The following LZTFL1 variants were observed in gnomAD, a reference collection of about 807,000 sequenced individuals.
LZTFL1 encodes the protein leucine zipper transcription factor-like protein 1.
Under a neutral mutation model 45.9 loss-of-function variants are expected in LZTFL1, and 25 were observed. The observed-to-expected ratio is 0.54, with a 90% CI of 0.40 to 0.76. LZTFL1 has a LOEUF of 0.76. Among genes scored for constraint, LZTFL1 ranks in the 30% least tolerant of loss-of-function variants. LZTFL1 has a pLI of 0.00. For synonymous variants in LZTFL1, 93 were observed against 117.4 expected (o/e 0.79, Z 1.35); for missense variants, 277 against 331.1 (o/e 0.84, Z 1.27).
chr3:45,859,184 T>C (rs2125707676), intron 2 of LZTFL1, among the ~76,000 whole-genome samples: 1 of 152,360 alleles, frequency 6.6e-6, no homozygotes, highest in South Asian at 2.1e-4. Flanking sequence ...TATGCAGAGA[T>C]AATTTTCATG....
intron 2 of LZTFL1, among the ~76,000 whole-genome samples, chr3:45,898,237 A>G (rs1255508380): frequency 6.6e-6 from 1 of 152,034 alleles, no homozygotes; most frequent in East Asian, 1.9e-4. Flanking sequence ...AGTCCACTCA[A>G]ACCTCACCTC....
At chr3:45,837,445 C>T (rs1700995391) in intron 2 of LZTFL1, among the ~76,000 whole-genome samples, 1 of 152,142 alleles carries the variant, frequency 6.6e-6, no homozygotes, top group Admixed American at 6.5e-5. Flanking sequence ...TACGGTCCAA[C>T]CATTATCATC....
At chr3:45,878,124 A>G (rs1234828548) in intron 2 of LZTFL1, among the ~76,000 whole-genome samples, 3 of 152,218 alleles carry the variant, frequency 2.0e-5, no homozygotes, top group African/African-American at 7.2e-5. Context: ...TGGAAAGATT[A>G]AATTAAGCTA....
At position 45,901,550 on chromosome 3, in the gene LZTFL1, A is replaced by T. The variant is rs200638038; in HGVS notation, c.-215+11570T>A. On this transcript the variant is annotated intron_variant, in intron 2 of 4. Coordinates refer to the LZTFL1 transcript ENST00000472635. The surrounding 1 kb of genome is among the most constrained non-coding windows in gnomAD (Gnocchi z 4.3). The stretch of plus-strand genomic sequence containing the variant: ...AGTCTTCCAAGCACAAAGCCCTAAA[A>T]GTGACCATCACTGTCCTGACCGTCT... The T allele has an allele frequency of 2.5e-6, 4 of 1,614,074 alleles. No individual in the cohort carries two copies. The highest frequency in any genetic ancestry group is 3.4e-6 in the Non-Finnish European group (4 of 1,180,042).
intron 4 of LZTFL1, among the ~76,000 whole-genome samples, chr3:45,851,546 T>C (rs766479780): frequency 1.3e-5 from 2 of 152,080 alleles, no homozygotes; most frequent in Non-Finnish European, 2.9e-5. Context: ...TCGAAACTTC[T>C]ATTTTCTTCT....
chr3:45,900,976 C>T lies in LZTFL1; in HGVS notation c.-215+12144G>A, dbSNP rs1049322967. The T allele has an allele frequency of 3.1e-6, 5 of 1,614,024 alleles. No homozygotes were observed. In the African/African-American group the frequency reaches 5.3e-5, roughly 17 times the overall value. On this transcript the variant is annotated intron_variant, in intron 2 of 4. Coordinates refer to the LZTFL1 transcript ENST00000472635. The surrounding 1 kb of genome is among the most constrained non-coding windows in gnomAD (Gnocchi z 4.7). ...TACTGGCTCGTGTTCATCGTGGGTG[C>T]CTTGGGCAACAGTCTTGTTATCCTT...
intron 1 of LZTFL1, among the ~76,000 whole-genome samples, chr3:45,839,724 A>T (rs897511513): frequency 9.2e-5 from 14 of 152,198 alleles, no homozygotes; most frequent in African/African-American, 2.4e-5. Context: ...TACTTCCATC[A>T]TGGCTGATTT....
At chr3:45,869,928 C>A (rs983309286) in intron 2 of LZTFL1, among the ~76,000 whole-genome samples, 1 of 152,248 alleles carries the variant, frequency 6.6e-6, no homozygotes, top group Non-Finnish European at 1.5e-5. Flanking sequence ...GGGAGAGAGA[C>A]CAGTTATGTC....
rs112707117 is a variant in LZTFL1 at position 45,912,754 on chromosome 3, C to T, written c.-215+366G>A. Among the ~76,000 whole-genome samples the T allele has an allele frequency of 2.0e-3, 298 of 152,306 alleles. 3 individuals carry two copies. The highest frequency in any genetic ancestry group is 0.01 in the Middle Eastern group (3 of 294). On this transcript the variant is annotated intron_variant, in intron 2 of 4. Coordinates refer to the LZTFL1 transcript ENST00000472635. ...CACAGCCTCAATGCGTAGCTGACCA[C>T]GGGCAGACAAGGGAGTGAGCCCACC...
At chr3:45,869,677 G>A (rs1013215784) in intron 2 of LZTFL1, among the ~76,000 whole-genome samples, 3 of 152,196 alleles carry the variant, frequency 2.0e-5, no homozygotes, top group Non-Finnish European at 4.4e-5. Context: ...GCCTGGAGAT[G>A]GCTGGGCATG....
intron 2 of LZTFL1, among the ~76,000 whole-genome samples, chr3:45,896,171 T>C (rs1448301278): frequency 6.6e-6 from 1 of 152,252 alleles, no homozygotes; most frequent in Admixed American, 6.5e-5. Flanking sequence ...CTGCATTAAA[T>C]TCACCTTTCA....
chr3:45,828,494 G>A lies in LZTFL1; in HGVS notation c.722C>T (p.Ala241Val), dbSNP rs373034196. 13 of 1,613,992 alleles carry A rather than the reference G, an allele frequency of 8.1e-6. No homozygotes were observed. Among genetic ancestry groups the A allele is most frequent in the South Asian group, 4.4e-5 (4 of 91,070 alleles). Reference protein sequence around the residue: ...ENQKSLEENLATAKHDLLRVQ... With the variant: ...ENQKSLEENLVTAKHDLLRVQ... Reference sequence around the variant, plus strand: ...CCTGAGTAGATCGTGCTTGGCTGTCGCCAGATTCTCCTCCAGTGACTTCTG... The same window carrying A: ...CCTGAGTAGATCGTGCTTGGCTGTCACCAGATTCTCCTCCAGTGACTTCTG... The change falls in exon 8 of 10, where the codon GCG becomes GTG. Residue 241 changes from alanine to valine, a missense_variant. By Grantham distance (64) the Ala-to-Val change is moderately conservative (BLOSUM62 0). Transcript: ENST00000296135.
At chr3:45,863,203 G>A (rs1347835834) in intron 2 of LZTFL1, among the ~76,000 whole-genome samples, 1 of 152,148 alleles carries the variant, frequency 6.6e-6, no homozygotes, top group African/African-American at 2.4e-5. Context: ...CTTCAGGTAG[G>A]AACTATATTT....
intron 5 of LZTFL1, among the ~76,000 whole-genome samples, chr3:45,832,263 T>G (rs1385374379): frequency 6.6e-6 from 1 of 152,048 alleles, no homozygotes. Context: ...CCCAAACTAT[T>G]ACATTTTTGA....
chr3:45,852,103 T>C (rs1178103635), intron 4 of LZTFL1, among the ~76,000 whole-genome samples: 1 of 152,136 alleles, frequency 6.6e-6, no homozygotes, highest in African/African-American at 2.4e-5. Context: ...TCCCTTAATA[T>C]CCCTAACCTT....
chr3:45,875,415 T>G (rs1701734103), intron 2 of LZTFL1, among the ~76,000 whole-genome samples: 1 of 152,260 alleles, frequency 6.6e-6, no homozygotes. Flanking sequence ...AGCAGAATTT[T>G]GAATTAGTTC....
intron 8 of LZTFL1, 77 bp from the exon 9 acceptor site, chr3:45,827,536 A>T: frequency 1.1e-6 from 1 of 901,966 alleles, no homozygotes; most frequent in Non-Finnish European, 1.8e-6. Flanking sequence ...AAAAATATGT[A>T]GTTTTTTTTG....
rs530510782 is a variant in LZTFL1 at position 45,830,617 on chromosome 3, A to G, written c.600+296T>C. ...AAAAAGTGAGAATATCTTGCATACCAGGAAGATTGTAGAAAAACTTAAAAA... is the reference window on the plus strand; with the variant it reads ...AAAAAGTGAGAATATCTTGCATACCGGGAAGATTGTAGAAAAACTTAAAAA... On this transcript the variant is annotated intron_variant, in intron 7 of 9. Transcript: ENST00000296135. Among the ~76,000 whole-genome samples, 17 of 152,304 alleles carry G rather than the reference A, an allele frequency of 1.1e-4. No individual in the cohort carries two copies. The South Asian group carries it at 3.5e-3, about 32-fold the overall frequency.
rs1485616153 is a variant in LZTFL1 at position 45,901,747 on chromosome 3, T to C, written c.-215+11373A>G. On this transcript the variant is annotated intron_variant, in intron 2 of 4. Transcript: ENST00000472635. This position sits in a 1 kb window ranked among gnomAD's most constrained non-coding sequence, Gnocchi z 4.3. ...CTGAACCCTGTTCTCTATGTTTTTG[T>C]GGGTGAGAGATTCCGCCGGGATCTC... The C allele has an allele frequency of 1.2e-6, 2 of 1,614,200 alleles. No homozygotes were observed. The highest frequency in any genetic ancestry group is 2.2e-5 in the South Asian group (2 of 91,086).
Sources: gnomAD v4.1 joint callset for allele counts (sites outside exome capture counted in the v4.1 genomes callset) on GRCh38, gnomAD v4.1.1 for gene constraint, Gnocchi (gnomAD v3.1) non-coding constraint, MANE v1.5 for transcripts, NCBI Gene and HGNC (gene_info 2026-07-23, HGNC 2026-07-21) for gene names.